TMTC1: variants seen among roughly 807,000 people sequenced by gnomAD.
TMTC1 encodes transmembrane O-mannosyltransferase targeting cadherins 1.
A neutral mutation model predicts 104.8 loss-of-function variants in TMTC1; 73 were observed. The observed-to-expected ratio is 0.70, with a 90% CI of 0.58 to 0.85. The LOEUF is 0.85. Among genes scored for constraint, TMTC1 ranks in the 40% least tolerant of loss-of-function variants. TMTC1 has a pLI of 0.00. For missense variants in TMTC1, 1,035 were observed against 1,096.1 expected, an observed-to-expected ratio of 0.94 and a Z score of 0.79; for synonymous variants, 434 against 428.7, an observed-to-expected ratio of 1.01 and a Z score of -0.15.
chr12:29,754,438 C>T (rs1258497226), intron 4 of TMTC1, among the ~76,000 whole-genome samples: 4 of 152,120 alleles, frequency 2.6e-5, no homozygotes, highest in Non-Finnish European at 4.4e-5. Context: ...GACTGGACCA[C>T]GTGAGAGAAC....
At chr12:29,752,100 G>A (rs1400413974) in intron 4 of TMTC1, among the ~76,000 whole-genome samples, 1 of 149,580 alleles carries the variant, frequency 6.7e-6, no homozygotes, top group Non-Finnish European at 1.5e-5. Context: ...ATAGAACACT[G>A]TAACTCAGTC....
chr12:29,619,421 C>T (rs940261971), intron 6 of TMTC1, among the ~76,000 whole-genome samples: 3 of 152,124 alleles, frequency 2.0e-5, no homozygotes, highest in Admixed American at 6.5e-5. Context: ...AATAATTTTA[C>T]AGGTGACATA....
chr12:29,751,441 C>A (rs578118726), intron 5 of TMTC1, among the ~76,000 whole-genome samples: 2 of 152,226 alleles, frequency 1.3e-5, no homozygotes, highest in African/African-American at 4.8e-5. Flanking sequence ...AGGCAGGCAG[C>A]AGGGCTTCCA....
At chr12:29,609,838 T>G (rs1174972888) in intron 6 of TMTC1, 4 of 152,324 alleles carry the variant, frequency 2.6e-5, no homozygotes, top group Non-Finnish European at 5.9e-5. Context: ...GCGGCCCTGT[T>G]GCCTACCTGG....
In TMTC1 at chr12:29,776,153, C is replaced by G. The variant is rs116132567; in HGVS notation, c.302+7297G>C. ...AGTGTAGTGAGAACCCCCTATAATT[C>G]TGGGTTTTGAAGGTACAGCTGCTGT... On this transcript the variant is annotated intron_variant, in intron 1 of 17. Coordinates refer to ENST00000539277, the MANE Select transcript of TMTC1 (RefSeq NM_001193451.2). Among the ~76,000 whole-genome samples, 1,169 of 152,238 alleles carry G rather than the reference C, an allele frequency of 7.7e-3. 21 individuals carry two copies. Among genetic ancestry groups the G allele is most frequent in the African/African-American group, 0.027 (1,112 of 41,536 alleles).
chr12:29,741,728 A>G (rs2136945597), intron 5 of TMTC1, among the ~76,000 whole-genome samples: 1 of 152,360 alleles, frequency 6.6e-6, no homozygotes, highest in South Asian at 2.1e-4. Context: ...ATAATGAGGG[A>G]GAATGAAAAG....
intron 17 of TMTC1, among the ~76,000 whole-genome samples, chr12:29,511,414 T>C (rs1032732921): frequency 2.0e-5 from 3 of 152,098 alleles, no homozygotes; most frequent in Non-Finnish European, 4.4e-5. Flanking sequence ...ATGTTCGCCA[T>C]AAATGCTTAT....
At chr12:29,758,200 C>A (rs1943261305) in intron 3 of TMTC1, among the ~76,000 whole-genome samples, 1 of 152,046 alleles carries the variant, frequency 6.6e-6, no homozygotes, top group Non-Finnish European at 1.5e-5. Flanking sequence ...ATGCAAAAAA[C>A]TTCTGTCTTT....
At chr12:29,574,716 G>T (rs1394369651) in intron 8 of TMTC1, among the ~76,000 whole-genome samples, 2 of 152,104 alleles carry the variant, frequency 1.3e-5, no homozygotes, top group Non-Finnish European at 2.9e-5. Context: ...TTTTATACGG[G>T]CACCACCCCT....
At chr12:29,729,081 T>C (rs1012010450) in intron 5 of TMTC1, among the ~76,000 whole-genome samples, 5 of 148,516 alleles carry the variant, frequency 3.4e-5, no homozygotes, top group Non-Finnish European at 7.4e-5. Flanking sequence ...GGAGACAAAC[T>C]CCCAAGTTCA....
chr12:29,772,375 G>A (rs757738916), intron 1 of TMTC1, among the ~76,000 whole-genome samples: 4 of 151,882 alleles, frequency 2.6e-5, no homozygotes, highest in East Asian at 1.9e-4. Flanking sequence ...TTTTGTGTAC[G>A]GTAAAGAGGA....
chr12:29,514,646 G>A (rs754901619), intron 15 of TMTC1, 42 bp from the exon 16 acceptor site: 15 of 1,577,702 alleles, frequency 9.5e-6, no homozygotes, highest in Non-Finnish European at 1.0e-5. Context: ...TGCAGATTAG[G>A]TAAAGAAAAA....
intron 5 of TMTC1, among the ~76,000 whole-genome samples, chr12:29,694,533 A>AT (rs58249121): frequency 0.037 from 5,482 of 149,496 alleles, 348 homozygotes; most frequent in African/African-American, 0.13. Context: ...TTATCTTTTA[A>AT]TTTTTTTTTT....
chr12:29,594,710 C>T (rs913999746), intron 7 of TMTC1, among the ~76,000 whole-genome samples: 14 of 152,312 alleles, frequency 9.2e-5, no homozygotes, highest in African/African-American at 3.1e-4. Flanking sequence ...ACATCCTCCC[C>T]GCAAAGTTAC....
At chr12:29,749,304 T>C (rs745758327) in intron 5 of TMTC1, among the ~76,000 whole-genome samples, 8 of 152,162 alleles carry the variant, frequency 5.3e-5, no homozygotes, top group Non-Finnish European at 8.8e-5. Flanking sequence ...CATTTCTTCA[T>C]TGGCAAATTT....
chr12:29,773,835 A>G (rs1943648223), intron 1 of TMTC1, among the ~76,000 whole-genome samples: 1 of 152,146 alleles, frequency 6.6e-6, no homozygotes, highest in East Asian at 1.9e-4. Context: ...TTGGTACTCC[A>G]GGAACCTATC....
chr12:29,733,308 T>G (rs1942592311), intron 5 of TMTC1, among the ~76,000 whole-genome samples: 2 of 152,140 alleles, frequency 1.3e-5, no homozygotes, highest in South Asian at 4.1e-4. Flanking sequence ...CCACAGAGCC[T>G]CCTTCACGTC....
chr12:29,526,389 G>A (rs1244389395), intron 11 of TMTC1, among the ~76,000 whole-genome samples: 6 of 152,090 alleles, frequency 3.9e-5, no homozygotes, highest in Non-Finnish European at 7.4e-5. Flanking sequence ...TTTATTAGGT[G>A]GGCCATCATA....
intron 5 of TMTC1, among the ~76,000 whole-genome samples, chr12:29,721,339 A>C (rs1166181661): frequency 6.6e-6 from 1 of 152,164 alleles, no homozygotes; most frequent in Non-Finnish European, 1.5e-5. Context: ...CTGAAAGATA[A>C]AAGTTTGAAA....
Sources: allele counts gnomAD v4.1 joint callset (sites outside exome capture counted in the v4.1 genomes callset), GRCh38; gene constraint gnomAD v4.1.1; transcripts MANE v1.5; gene names NCBI Gene and HGNC (gene_info 2026-07-23, HGNC 2026-07-21).